C5orf63: variants seen among roughly 807,000 people sequenced by gnomAD.
The protein encoded by C5orf63 is glutaredoxin-like protein C5orf63.
A neutral mutation model predicts 13.3 loss-of-function variants in C5orf63; 18 were observed. The ratio of observed to expected loss-of-function variants is 1.36; its 90% CI spans 0.94 to 2.01. The LOEUF is 2.01. Ranked by LOEUF, C5orf63 falls within the 30% of genes most tolerant of loss-of-function variation. The pLI, the probability that C5orf63 is intolerant of heterozygous loss-of-function variation, is 0.00. For missense variants in C5orf63, 118 were observed against 127.7 expected, an observed-to-expected ratio of 0.92 and a Z score of 0.36; for synonymous variants, 38 against 44.7, an observed-to-expected ratio of 0.85 and a Z score of 0.60.
At chr5:127,047,431 T>C, downstream of C5orf63, 1 of 394,668 alleles carries the variant, frequency 2.5e-6, no homozygotes. Context: ...GCCATGTTTG[T>C]AGGTATCTAC....
downstream of C5orf63, chr5:127,044,464 G>T (rs148151741): frequency 1.9e-4 from 29 of 152,218 alleles, no homozygotes; most frequent in African/African-American, 7.0e-4. Context: ...AAATGTCAGT[G>T]CCTAAGCTGA....
Position 127,051,797 on chromosome 5 carries a change from G to A in C5orf63, c.322C>T (p.Leu108Phe). The A allele has an allele frequency of 6.5e-7, 1 of 1,528,194 alleles. No individual in the cohort carries two copies. The highest frequency in any genetic ancestry group is 8.7e-7 in the Non-Finnish European group (1 of 1,143,346). 94.7% of individuals were successfully genotyped at this position (1,528,194 alleles called of 1,614,324 possible). A position where few individuals can be genotyped will look rare whatever the true frequency, so the allele number is the denominator to read the frequency against. Reference protein sequence around the residue: ...TSKLEKQLLKLEQQSTGG With the variant: ...TSKLEKQLLKFEQQSTGG ...CAGCCTCCAGTACTTTGCTGCTCAA[G>A]TTTCAGGAGCTGTTTTTCAAGTTTT... Residue 108 changes from leucine to phenylalanine, a missense_variant, in exon 5 of 5, where the codon CTT becomes TTT. Physicochemically the swap from Leu to Phe is conservative, Grantham distance 22. Coordinates refer to ENST00000296662, the MANE Select transcript of C5orf63 (RefSeq NM_001164478.2).
At chr5:127,048,190 C>T (rs145921877), downstream of C5orf63, among the ~76,000 whole-genome samples, 40 of 150,850 alleles carry the variant, frequency 2.7e-4, no homozygotes, top group East Asian at 3.9e-4. Flanking sequence ...CTGCCTGCAA[C>T]GAAGGTGCCC....
chr5:127,069,368 T>C (rs979622670), intron 2 of C5orf63, among the ~76,000 whole-genome samples: 6 of 152,200 alleles, frequency 3.9e-5, no homozygotes, highest in African/African-American at 1.4e-4. Flanking sequence ...CTTAGTCTTA[T>C]TGTACCCAGC....
chr5:127,067,851 G>C, intron 2 of C5orf63, among the ~76,000 whole-genome samples: 1 of 152,152 alleles, frequency 6.6e-6, no homozygotes, highest in Admixed American at 6.6e-5. Flanking sequence ...GTTCCAAGTG[G>C]TTCTGAGTAA....
intron 2 of C5orf63, among the ~76,000 whole-genome samples, chr5:127,060,902 A>G (rs776571384): frequency 1.3e-5 from 2 of 152,082 alleles, no homozygotes; most frequent in Admixed American, 1.3e-4. Flanking sequence ...TGTCCCCTCC[A>G]CTACAATGCA....
At position 127,052,061 on chromosome 5, in the gene C5orf63, G is replaced by GT. The variant is rs1315866188; in HGVS notation, c.172-115dup. ...AATGCCATTTTCCTTATAGTTGTTTGTTTGTTTTAGGTCCACAGTGATCTA... is the reference window on the plus strand; with the variant it reads ...AATGCCATTTTCCTTATAGTTGTTTGTTTTGTTTTAGGTCCACAGTGATCTA... On this transcript the variant is annotated intron_variant, in intron 4 of 4. Transcript: ENST00000296662. The GT allele has an allele frequency of 1.7e-4, 149 of 884,388 alleles. 2 individuals carry two copies. In the African/African-American group the frequency reaches 2.4e-3, roughly 14 times the overall value. The allele number at this position is 884,388 out of a possible 1,614,324, so 54.8% of individuals were successfully genotyped here.
chr5:127,059,870 G>C (rs565924397), intron 2 of C5orf63, among the ~76,000 whole-genome samples: 1 of 151,708 alleles, frequency 6.6e-6, no homozygotes, highest in East Asian at 2.0e-4. Flanking sequence ...AGCTGGCCAG[G>C]CGTGGTGGCT....
intron 3 of C5orf63, 26 bp from the exon 4 acceptor site, chr5:127,052,695 G>T: frequency 6.8e-7 from 1 of 1,461,224 alleles, no homozygotes; most frequent in South Asian, 1.4e-5. Context: ...AAACCCAAGC[G>T]ATTAAACCCA....
At chr5:127,066,202 C>T (rs1161706559) in intron 2 of C5orf63, among the ~76,000 whole-genome samples, 1 of 152,110 alleles carries the variant, frequency 6.6e-6, no homozygotes, top group African/African-American at 2.4e-5. Context: ...CGAGATTAAC[C>T]CACAGTAAGC....
At chr5:127,063,760 T>C (rs1230685188) in intron 2 of C5orf63, among the ~76,000 whole-genome samples, 1 of 152,230 alleles carries the variant, frequency 6.6e-6, no homozygotes, top group Admixed American at 6.5e-5. Context: ...TGAACCTATA[T>C]TCCCTAAAGA....
At chr5:127,047,338 C>T (rs1024837489), downstream of C5orf63, 5 of 182,888 alleles carry the variant, frequency 2.7e-5, no homozygotes, top group Non-Finnish European at 3.4e-5. Flanking sequence ...GTAATTGCTG[C>T]TACAAACATC....
At chr5:127,067,416 T>A (rs1754371006) in intron 2 of C5orf63, among the ~76,000 whole-genome samples, 1 of 152,070 alleles carries the variant, frequency 6.6e-6, no homozygotes, top group South Asian at 2.1e-4. Context: ...CTGAAAAAAA[T>A]TTCAAATAGA....
At chr5:127,066,285 A>G (rs1754329999) in intron 2 of C5orf63, among the ~76,000 whole-genome samples, 1 of 152,170 alleles carries the variant, frequency 6.6e-6, no homozygotes, top group Non-Finnish European at 1.5e-5. Flanking sequence ...AGTTAGATTT[A>G]GAGGAGGGAA....
chr5:127,045,587 A>T (rs767976932), exon 5 of C5orf63: 1 of 152,214 alleles, frequency 6.6e-6, no homozygotes, highest in South Asian at 2.1e-4. Flanking sequence ...TTATGCATAT[A>T]AGTGACAGGT....
downstream of C5orf63, chr5:127,042,902 T>A (rs1171543393): frequency 6.6e-6 from 1 of 152,146 alleles, no homozygotes; most frequent in Non-Finnish European, 1.5e-5. Context: ...TTTTTCAATG[T>A]TCAGCATAAC....
intron 2 of C5orf63, among the ~76,000 whole-genome samples, chr5:127,066,608 G>A (rs890847456): frequency 3.9e-5 from 6 of 151,960 alleles, no homozygotes; most frequent in Admixed American, 1.3e-4. Flanking sequence ...AGAATATGTC[G>A]GACCAAGAGC....
intron 2 of C5orf63, among the ~76,000 whole-genome samples, chr5:127,064,916 C>T (rs1754261752): frequency 2.6e-5 from 4 of 152,198 alleles, no homozygotes; most frequent in Admixed American, 2.6e-4. Context: ...AGGTATACAG[C>T]ATTTACATAT....
At chr5:127,052,548 C>T in intron 4 of C5orf63, 65 bp downstream of exon 4, 1 of 1,098,858 alleles carries the variant, frequency 9.1e-7, no homozygotes, top group Non-Finnish European at 1.2e-6. Flanking sequence ...AGGATCCAGG[C>T]AGATACTTTA....
Sources: allele counts gnomAD v4.1 joint callset (sites outside exome capture counted in the v4.1 genomes callset), GRCh38; gene constraint gnomAD v4.1.1; transcripts MANE v1.5; gene names NCBI Gene and HGNC (gene_info 2026-07-23, HGNC 2026-07-21).